The following RALGPS1 variants were observed in gnomAD, a reference collection of about 807,000 sequenced individuals.
RALGPS1 encodes the protein ras-specific guanine nucleotide-releasing factor RalGPS1.
A neutral mutation model predicts 78.8 loss-of-function variants in RALGPS1; 19 were observed. That is an observed-to-expected ratio of 0.24 (90% CI 0.17 to 0.35). The LOEUF is 0.35. RALGPS1 is among the 10% of genes least tolerant of loss of function. RALGPS1 has a pLI of 1.00. For synonymous variants in RALGPS1, 228 were observed against 256.3 expected (o/e 0.89, Z 1.06); for missense variants, 454 against 688.3 (o/e 0.66, Z 3.81).
Position 127,013,672 on chromosome 9 carries a change from T to C in RALGPS1, c.217-20759T>C, listed in dbSNP as rs371585629. ...GGTTTTAAATCTCTGTCCACATCCC[T>C]GAGCCTCTTCAGCATCTCCAGTGGT... On this transcript the variant is annotated intron_variant, in intron 4 of 18. Transcript: ENST00000259351. Among the ~76,000 whole-genome samples the C allele has an allele frequency of 2.6e-5, 4 of 152,336 alleles. 1 individual carries two copies. The highest frequency in any genetic ancestry group is 9.6e-5 in the African/African-American group (4 of 41,574).
At chr9:126,958,138 A>ATAT (rs1447685873) in intron 1 of RALGPS1, among the ~76,000 whole-genome samples, 7 of 86,334 alleles carry the variant, frequency 8.1e-5, no homozygotes, top group African/African-American at 2.3e-4. Context: ...AAAAAAAAAA[A>ATAT]AAAAATATAT....
At chr9:127,050,806 C>T (rs573627505) in intron 6 of RALGPS1, among the ~76,000 whole-genome samples, 19 of 152,188 alleles carry the variant, frequency 1.2e-4, no homozygotes, top group Non-Finnish European at 2.1e-4. Context: ...GACTCTCAGC[C>T]GCAGCATCGT....
At chr9:126,927,642 C>T (rs746561831) in intron 1 of RALGPS1, among the ~76,000 whole-genome samples, 13 of 152,140 alleles carry the variant, frequency 8.5e-5, no homozygotes, top group Non-Finnish European at 1.3e-4. Flanking sequence ...CAGTCTCTAC[C>T]CCCTTCAGCG....
intron 7 of RALGPS1, among the ~76,000 whole-genome samples, chr9:127,062,886 A>G (rs1475882225): frequency 6.6e-6 from 1 of 152,206 alleles, no homozygotes; most frequent in Non-Finnish European, 1.5e-5. Context: ...TTGCATCCAG[A>G]GAAGTAAAAA....
At chr9:126,929,541 T>G (rs1486098473) in intron 1 of RALGPS1, among the ~76,000 whole-genome samples, 1 of 152,106 alleles carries the variant, frequency 6.6e-6, no homozygotes, top group East Asian at 1.9e-4. Context: ...AACCTCCACC[T>G]CCCAGGTTCA....
At chr9:127,049,988 A>G (rs2048157074) in intron 5 of RALGPS1, 55 bp from the exon 6 acceptor site, 1 of 1,327,946 alleles carries the variant, frequency 7.5e-7, no homozygotes, top group Non-Finnish European at 1.1e-6. Context: ...GTGGTCCAGC[A>G]ATTAACAACT....
intron 8 of RALGPS1, chr9:127,088,719 C>A: frequency 1.7e-6 from 1 of 596,530 alleles, no homozygotes. Context: ...GTCCTGGAGA[C>A]ATGAGGGGCT....
intron 3 of RALGPS1, among the ~76,000 whole-genome samples, chr9:126,970,860 AG>A (rs1420880628): frequency 1.3e-5 from 2 of 152,246 alleles, no homozygotes; most frequent in Non-Finnish European, 2.9e-5. Context: ...GAATCCCTAT[AG>A]ACAATGAAAG....
intron 11 of RALGPS1, among the ~76,000 whole-genome samples, chr9:127,177,595 A>G (rs536593394): frequency 1.1e-3 from 167 of 152,196 alleles, no homozygotes; most frequent in African/African-American, 3.7e-3. Flanking sequence ...CCTAGCCCCC[A>G]GCCCAGGTCT....
rs563764789 is a variant in RALGPS1 at position 126,997,867 on chromosome 9, G to C, written c.216+20122G>C. 1.1e-4 allele frequency among the ~76,000 whole-genome samples: 16 copies of C among 152,052 alleles called. No individual in the cohort carries two copies. In the East Asian group the frequency reaches 2.9e-3, roughly 28 times the overall value. ...ACAGAGCCCTCAGAAACAATGCTTC[G>C]TATCTACAACTATCTGATCTTTGAC... On this transcript the variant is annotated intron_variant, in intron 4 of 18. Transcript: ENST00000259351.
chr9:127,038,716 C>T (rs547645932), intron 5 of RALGPS1, among the ~76,000 whole-genome samples: 62 of 152,250 alleles, frequency 4.1e-4, no homozygotes, highest in African/African-American at 3.6e-4. Context: ...ATGATGGAGG[C>T]GATTCCAGTC....
chr9:127,038,015 C>A (rs569780377), intron 5 of RALGPS1, among the ~76,000 whole-genome samples: 1 of 152,312 alleles, frequency 6.6e-6, no homozygotes, highest in Admixed American at 6.5e-5. Flanking sequence ...GAAAGGAAGA[C>A]AGATAGTTAT....
chr9:127,062,390 G>A (rs900673291), intron 7 of RALGPS1, among the ~76,000 whole-genome samples: 3 of 152,146 alleles, frequency 2.0e-5, no homozygotes, highest in Admixed American at 6.5e-5. Context: ...GAGCTGCCGC[G>A]CCCGGCCAAG....
At chr9:126,952,238 C>T (rs2037891902) in intron 1 of RALGPS1, among the ~76,000 whole-genome samples, 1 of 152,174 alleles carries the variant, frequency 6.6e-6, no homozygotes, top group Non-Finnish European at 1.5e-5. Flanking sequence ...GAGGCCTAGC[C>T]CCACATGGCA....
chr9:127,159,996 TC>T (rs369545160), intron 8 of RALGPS1, among the ~76,000 whole-genome samples: 1 of 152,106 alleles, frequency 6.6e-6, no homozygotes, highest in Non-Finnish European at 1.5e-5. Flanking sequence ...GGTTTTTTTT[TC>T]CCCTCAACAC....
chr9:127,057,340 G>C (rs1345370033), intron 7 of RALGPS1, among the ~76,000 whole-genome samples: 1 of 152,204 alleles, frequency 6.6e-6, no homozygotes, highest in Non-Finnish European at 1.5e-5. Context: ...GAATATCTGG[G>C]AAACCTGGTG....
chr9:127,137,878 A>G (rs1243759329), intron 8 of RALGPS1, among the ~76,000 whole-genome samples: 1 of 152,194 alleles, frequency 6.6e-6, no homozygotes, highest in African/African-American at 2.4e-5. Flanking sequence ...AAGTTGTTTG[A>G]TATCTCTGAG....
At chr9:127,018,581 T>A (rs2045115207) in intron 4 of RALGPS1, among the ~76,000 whole-genome samples, 1 of 151,316 alleles carries the variant, frequency 6.6e-6, no homozygotes, top group South Asian at 2.1e-4. Flanking sequence ...TGCAGTGAGC[T>A]GAGTTTGTGC....
intron 8 of RALGPS1, among the ~76,000 whole-genome samples, chr9:127,150,291 G>A (rs1313390621): frequency 6.6e-6 from 1 of 152,202 alleles, no homozygotes; most frequent in African/African-American, 2.4e-5. Context: ...CTCTCCCAGT[G>A]CCCCTGTTTG....
Sources: gnomAD v4.1 joint callset for allele counts (sites outside exome capture counted in the v4.1 genomes callset) on GRCh38, gnomAD v4.1.1 for gene constraint, MANE v1.5 for transcripts, NCBI Gene and HGNC (gene_info 2026-07-23, HGNC 2026-07-21) for gene names.